The following CELF2 variants were observed in gnomAD, a reference collection of about 807,000 sequenced individuals.
CELF2 encodes the protein CUGBP Elav-like family member 2.
A neutral mutation model predicts 62.6 loss-of-function variants in CELF2; 8 were observed. The observed-to-expected ratio is 0.13, with a 90% CI of 0.07 to 0.23. The LOEUF (loss-of-function observed/expected upper bound fraction) is 0.23, where lower values mean the gene tolerates loss of function less well. CELF2 is among the 10% of genes least tolerant of loss of function. The pLI is 1.00. For synonymous variants in CELF2, 258 were observed against 250.0 expected, an observed-to-expected ratio of 1.03 and a Z score of -0.30; for missense variants, 333 against 671.0, an observed-to-expected ratio of 0.50 and a Z score of 5.56.
At chr10:11,174,642 C>T (rs991035427) in intron 2 of CELF2, among the ~76,000 whole-genome samples, 5 of 152,178 alleles carry the variant, frequency 3.3e-5, no homozygotes, top group Non-Finnish European at 5.9e-5. Context: ...TTAACTGACC[C>T]ACCATCTGAT....
intron 1 of CELF2, among the ~76,000 whole-genome samples, chr10:11,140,173 C>T (rs1171425946): frequency 6.6e-6 from 1 of 152,192 alleles, no homozygotes; most frequent in Non-Finnish European, 1.5e-5. Flanking sequence ...TATATTTTCA[C>T]TCTTCCCCAA....
chr10:10,977,098 C>T (rs1592644899), intron 2 of CELF2, among the ~76,000 whole-genome samples: 1 of 134,474 alleles, frequency 7.4e-6, no homozygotes, highest in East Asian at 1.9e-4. Context: ...GACAGCTTCC[C>T]ACGGGCAAAC....
At chr10:10,851,061 C>T (rs2059355183) in intron 1 of CELF2, among the ~76,000 whole-genome samples, 1 of 152,166 alleles carries the variant, frequency 6.6e-6, no homozygotes, top group Non-Finnish European at 1.5e-5. Context: ...CTGCCTTGGC[C>T]TCCCAAAGTG....
intron 4 of CELF2, 178 bp from the exon 5 acceptor site, chr10:11,257,560 G>C: frequency 1.7e-6 from 1 of 589,558 alleles, no homozygotes; most frequent in Non-Finnish European, 3.0e-6. Context: ...CCAGGTGGGA[G>C]GGAGTGGCAG....
chr10:10,812,526 A>T (rs1352086170), intron 1 of CELF2, among the ~76,000 whole-genome samples: 1 of 152,158 alleles, frequency 6.6e-6, no homozygotes, highest in Non-Finnish European at 1.5e-5. Context: ...TAAAAATAAA[A>T]GTCTCCGTTC....
At chr10:10,557,550 G>T in the CELF2 span, among the ~76,000 whole-genome samples, 1 of 150,252 alleles carries the variant, frequency 6.7e-6, no homozygotes, top group Non-Finnish European at 1.5e-5. Context: ...CTTTAAAATA[G>T]TTTTTTCCAA....
At chr10:11,193,550 G>A (rs778425477) in intron 2 of CELF2, among the ~76,000 whole-genome samples, 48 of 152,152 alleles carry the variant, frequency 3.2e-4, no homozygotes, top group Admixed American at 2.9e-3. Flanking sequence ...TCCCCACTCC[G>A]TCTGGGGCTG....
intron 1 of CELF2, among the ~76,000 whole-genome samples, chr10:10,865,834 T>G (rs1295524649): frequency 6.6e-5 from 10 of 152,126 alleles, no homozygotes; most frequent in Admixed American, 4.6e-4. Context: ...GATTTTTTTT[T>G]TTTGAAGTGT....
intron 5 of CELF2, among the ~76,000 whole-genome samples, chr10:11,261,100 A>G (rs745718277): frequency 7.9e-5 from 12 of 152,260 alleles, no homozygotes; most frequent in Non-Finnish European, 1.0e-4. Context: ...CTTCCGTGAG[A>G]AAGTTTTAAA....
chr10:11,108,348 G>GTTTTTTTTTTTTTTTTTTTTT (rs138546101), intron 1 of CELF2, among the ~76,000 whole-genome samples: 1 of 149,536 alleles, frequency 6.7e-6, no homozygotes. Context: ...CTGGTTCACT[G>GTTTTTTTTTTTTTTTTTTTTT]TTTTTTTGTT....
chr10:11,109,452 A>T (rs1042206317), intron 1 of CELF2, among the ~76,000 whole-genome samples: 1 of 152,218 alleles, frequency 6.6e-6, no homozygotes, highest in South Asian at 2.1e-4. Flanking sequence ...TCTATCTAGA[A>T]TTCGAAAGCT....
chr10:10,608,302 C>T, the CELF2 span, among the ~76,000 whole-genome samples: 5 of 152,108 alleles, frequency 3.3e-5, no homozygotes, highest in Non-Finnish European at 7.3e-5. Flanking sequence ...AGAGAGAAAG[C>T]GTTTTTGAAC....
chr10:10,628,538 G>T, the CELF2 span, among the ~76,000 whole-genome samples: 1 of 152,142 alleles, frequency 6.6e-6, no homozygotes, highest in Non-Finnish European at 1.5e-5. Flanking sequence ...CTGTCACGGG[G>T]TCAAAAGTGG....
At chr10:11,053,991 AT>A (rs2064569501) in intron 1 of CELF2, among the ~76,000 whole-genome samples, 1 of 152,146 alleles carries the variant, frequency 6.6e-6, no homozygotes, top group Non-Finnish European at 1.5e-5. Flanking sequence ...ATAAAACTAT[AT>A]TTGCTAATTT....
chr10:10,580,182 A>G, the CELF2 span, among the ~76,000 whole-genome samples: 1 of 152,200 alleles, frequency 6.6e-6, no homozygotes, highest in East Asian at 1.9e-4. Flanking sequence ...CAAGCCATTC[A>G]AAAAGCTTAT....
the CELF2 span, among the ~76,000 whole-genome samples, chr10:10,778,850 C>A: frequency 6.6e-6 from 1 of 152,062 alleles, no homozygotes; most frequent in African/African-American, 2.4e-5. Context: ...CAGGAAGAAA[C>A]AATTAAAATT....
the CELF2 span, among the ~76,000 whole-genome samples, chr10:10,771,966 T>C: frequency 6.6e-6 from 1 of 152,190 alleles, no homozygotes; most frequent in African/African-American, 2.4e-5. Flanking sequence ...CCTAAGTACA[T>C]CAACCTGCTA....
chr10:11,204,233 C>T (rs1019751726), intron 2 of CELF2, among the ~76,000 whole-genome samples: 3 of 152,182 alleles, frequency 2.0e-5, no homozygotes, highest in Non-Finnish European at 2.9e-5. Flanking sequence ...GTGCCAGATT[C>T]TGGGCTTGGC....
At chr10:11,094,960 T>C (rs777115019) in intron 1 of CELF2, among the ~76,000 whole-genome samples, 1 of 152,214 alleles carries the variant, frequency 6.6e-6, no homozygotes, top group Non-Finnish European at 1.5e-5. Context: ...CAAATAATGA[T>C]GTGTGAAAAC....
Sources: gnomAD v4.1 joint callset for allele counts (sites outside exome capture counted in the v4.1 genomes callset) on GRCh38, gnomAD v4.1.1 for gene constraint, MANE v1.5 for transcripts, NCBI Gene and HGNC (gene_info 2026-07-23, HGNC 2026-07-21) for gene names.